The following ECI2 variants were observed in gnomAD, a reference collection of about 807,000 sequenced individuals.
ECI2 encodes the protein D3,D2-enoyl-CoA isomerase.
A neutral mutation model predicts 38.4 loss-of-function variants in ECI2; 27 were observed. The ratio of observed to expected loss-of-function variants is 0.70; its 90% CI spans 0.52 to 0.97. ECI2 has a LOEUF of 0.97. Ranked by LOEUF, ECI2 falls within the 50% of genes least tolerant of loss-of-function variation. The probability of loss-of-function intolerance (pLI) is 0.00; values close to 1 mark genes in which losing one functional copy is unlikely to be tolerated. For missense variants in ECI2, 470 were observed against 474.4 expected, an observed-to-expected ratio of 0.99 and a Z score of 0.09; for synonymous variants, 168 against 172.0, an observed-to-expected ratio of 0.98 and a Z score of 0.18.
At chr6:4,132,528 C>G (rs608917) in intron 2 of ECI2, among the ~76,000 whole-genome samples, 33,468 of 151,934 alleles carry the variant, frequency 0.22, 6,214 homozygotes, top group African/African-American at 0.5. Flanking sequence ...CTATACACAC[C>G]CATATGAAAG....
intron 6 of ECI2, chr6:4,125,664 T>C: frequency 2.2e-6 from 1 of 460,286 alleles, no homozygotes. Flanking sequence ...GCCGCAGTCT[T>C]AGAGATTAGG....
intron 6 of ECI2, 157 bp downstream of exon 6, chr6:4,125,978 C>A: frequency 1.4e-6 from 1 of 699,368 alleles, no homozygotes; most frequent in Non-Finnish European, 2.6e-6. Context: ...GAATGCCCAC[C>A]TATGGATGGA....
chr6:4,135,468 C>G (rs750297703), intron 1 of ECI2, 43 bp downstream of exon 1: 1 of 1,610,278 alleles, frequency 6.2e-7, no homozygotes, highest in East Asian at 2.2e-5. Flanking sequence ...CAGCGGTATC[C>G]TGCGGGCGAC....
chr6:4,131,797 C>T (rs1773518257), intron 2 of ECI2, among the ~76,000 whole-genome samples: 1 of 152,030 alleles, frequency 6.6e-6, no homozygotes, highest in South Asian at 2.1e-4. Context: ...GCAGAGGTTG[C>T]AGTGAGCTGA....
chr6:4,119,038 G>T, intron 8 of ECI2, 148 bp downstream of exon 8: 1 of 646,414 alleles, frequency 1.5e-6, no homozygotes, highest in Non-Finnish European at 2.5e-6. Context: ...TCCTCCATTG[G>T]TAAAACTCTT....
chr6:4,129,634 T>C (rs1162781328), intron 4 of ECI2, among the ~76,000 whole-genome samples: 1 of 152,080 alleles, frequency 6.6e-6, no homozygotes, highest in Non-Finnish European at 1.5e-5. Context: ...AAAGTGGAAA[T>C]AAAGTTTGAG....
chr6:4,123,232 A>G (rs969047185), intron 7 of ECI2, among the ~76,000 whole-genome samples: 1 of 151,936 alleles, frequency 6.6e-6, no homozygotes, highest in Non-Finnish European at 1.5e-5. Flanking sequence ...GCTGGAGTGC[A>G]GTGGTACGAT....
chr6:4,125,421 A>G (rs659305), intron 6 of ECI2, 51 bp from the exon 7 acceptor site: 501,429 of 1,608,078 alleles, frequency 0.31, 78,978 homozygotes, highest in East Asian at 0.38. Flanking sequence ...CAGCATGACT[A>G]AAGCATGGGC....
rs3177253 is a variant in ECI2, at chr6:4,133,621, C to T, written c.141G>A (p.Met47Ile). ...CCTTTTTCAAGAGTTTCACTTGATTCATTGAATTTTCAAAGTCCTTCTGAC... is the reference window on the plus strand; with the variant it reads ...CCTTTTTCAAGAGTTTCACTTGATTTATTGAATTTTCAAAGTCCTTCTGAC... The part of the protein sequence containing the change: ...RASQKDFENS[M>I]NQVKLLKKDP... The change falls in exon 2 of 10, where the codon ATG becomes ATA. Residue 47 changes from methionine to isoleucine, a missense_variant. Coordinates refer to ENST00000380118, the MANE Select transcript of ECI2 (RefSeq NM_206836.3). 378,441 of 1,612,960 alleles carry T rather than the reference C, an allele frequency of 0.23. 47,257 individuals carry two copies. The highest frequency in any genetic ancestry group is 0.26 in the Non-Finnish European group (309,007 of 1,179,446).
At chr6:4,127,393 G>A (rs1773234023) in intron 5 of ECI2, among the ~76,000 whole-genome samples, 1 of 132,542 alleles carries the variant, frequency 7.5e-6, no homozygotes, top group Admixed American at 7.8e-5. Context: ...TACTGGAAAA[G>A]ATCTTAGAGC....
chr6:4,133,788 CT>C, intron 1 of ECI2, 77 bp from the exon 2 acceptor site: 2 of 1,458,182 alleles, frequency 1.4e-6, no homozygotes, highest in Non-Finnish European at 9.0e-7. Flanking sequence ...TGTTCCCAGC[CT>C]ATACATAACA....
intron 8 of ECI2, chr6:4,118,558 CTT>C (rs1277323705): frequency 2.6e-5 from 4 of 152,276 alleles, no homozygotes; most frequent in Non-Finnish European, 5.9e-5. Flanking sequence ...AGCTTCTGGT[CTT>C]GTCACAATCC....
At chr6:4,124,448 C>T (rs1488647103) in intron 7 of ECI2, among the ~76,000 whole-genome samples, 1 of 152,196 alleles carries the variant, frequency 6.6e-6, no homozygotes, top group Non-Finnish European at 1.5e-5. Flanking sequence ...ATCATCAGCA[C>T]AGTTTACCAT....
chr6:4,117,677 T>C, intron 8 of ECI2: 1 of 445,568 alleles, frequency 2.2e-6, no homozygotes, highest in Non-Finnish European at 3.8e-6. Flanking sequence ...TGTGTATCGT[T>C]GTTGGAGGGG....
intron 6 of ECI2, chr6:4,125,638 T>A (rs556997922): frequency 8.7e-4 from 439 of 504,420 alleles, no homozygotes; most frequent in Non-Finnish European, 1.3e-3. Context: ...GACAGTGAGT[T>A]CAGGGCTGTA....
intron 5 of ECI2, among the ~76,000 whole-genome samples, chr6:4,126,529 C>G (rs611500): frequency 0.5 from 76,653 of 151,986 alleles, 21,801 homozygotes; most frequent in African/African-American, 0.79. Context: ...CCTAAGGAAG[C>G]GACAACTGAA....
chr6:4,128,032 T>C (rs1773290247), intron 4 of ECI2, among the ~76,000 whole-genome samples: 1 of 152,230 alleles, frequency 6.6e-6, no homozygotes, highest in South Asian at 2.1e-4. Context: ...GTGCATATTA[T>C]GTACCTGGTG....
chr6:4,125,753 A>G (rs1409105437), intron 6 of ECI2: 1 of 412,716 alleles, frequency 2.4e-6, no homozygotes, highest in African/African-American at 2.0e-5. Context: ...AAAAGCCTTC[A>G]TGACCTCCTC....
In ECI2 at chr6:4,120,571, A is replaced by G. The variant is rs149985736; in HGVS notation, c.796-1296T>C. Among the ~76,000 whole-genome samples the G allele has an allele frequency of 2.4e-4, 36 of 152,250 alleles. 1 individual carries two copies. In the East Asian group the frequency reaches 5.8e-3, roughly 24 times the overall value. On this transcript the variant is annotated intron_variant, in intron 7 of 9. Coordinates refer to ENST00000380118, the MANE Select transcript of ECI2 (RefSeq NM_206836.3). ...GTGAAACCCCATCTCTACTAAAAAT[A>G]CAAAAATTAGCCTGGTGTGGTGGTG...
Sources: gnomAD v4.1 joint callset for allele counts (sites outside exome capture counted in the v4.1 genomes callset) on GRCh38, gnomAD v4.1.1 for gene constraint, MANE v1.5 for transcripts, NCBI Gene and HGNC (gene_info 2026-07-23, HGNC 2026-07-21) for gene names.